Variants in PDE9A observed in about 807,000 individuals in gnomAD.
The protein encoded by PDE9A is high affinity cGMP-specific 3',5'-cyclic phosphodiesterase 9A.
Under a neutral mutation model 87.4 loss-of-function variants are expected in PDE9A, and 60 were observed. The observed-to-expected ratio is 0.69, with a 90% CI of 0.56 to 0.85. The LOEUF (loss-of-function observed/expected upper bound fraction) is 0.85. PDE9A is among the 40% of genes least tolerant of loss of function. PDE9A has a pLI of 0.00. For synonymous variants in PDE9A, 272 were observed against 279.4 expected (o/e 0.97, Z 0.27); for missense variants, 665 against 779.0 (o/e 0.85, Z 1.74).
intron 17 of PDE9A, among the ~76,000 whole-genome samples, chr21:42,770,070 C>T (rs1255637567): frequency 1.3e-5 from 2 of 152,128 alleles, no homozygotes; most frequent in Non-Finnish European, 2.9e-5. Flanking sequence ...AACCCCTGAG[C>T]TCTGTGCCCT....
chr21:42,765,717 T>G, intron 15 of PDE9A: 3 of 524,178 alleles, frequency 5.7e-6, no homozygotes, highest in Non-Finnish European at 6.9e-6. Flanking sequence ...CATTCTCCCA[T>G]TCCTCCATCT....
At chr21:42,693,803 G>T (rs141316627) in intron 3 of PDE9A, among the ~76,000 whole-genome samples, 1 of 150,696 alleles carries the variant, frequency 6.6e-6, no homozygotes, top group Non-Finnish European at 1.5e-5. Context: ...TGTTGGTCAG[G>T]CTGGTCTCAA....
In PDE9A at chr21:42,660,625, T is replaced by TAA. The variant is rs11292693; in HGVS notation, c.69+6756_69+6757dup. 4.2e-3 allele frequency among the ~76,000 whole-genome samples: 581 copies of TAA among 139,058 alleles called. 5 individuals carry two copies. The highest frequency in any genetic ancestry group is 0.014 in the African/African-American group (546 of 38,252). The allele number at this position is 139,058 out of a possible 152,430, so 91.2% of individuals were successfully genotyped here. ...CCCCTTCCCCAAACACTATTGGAAT[T>TAA]AAAAAAAAAAAAAAAGATTAAAATG... On this transcript the variant is annotated intron_variant, in intron 1 of 19. Coordinates refer to ENST00000291539, the MANE Select transcript of PDE9A (RefSeq NM_002606.3). This position sits in a 1 kb window ranked among gnomAD's most constrained non-coding sequence, Gnocchi z 4.7.
chr21:42,772,328 C>A, intron 18 of PDE9A, 111 bp from the exon 19 acceptor site: 1 of 694,098 alleles, frequency 1.4e-6, no homozygotes, highest in Non-Finnish European at 2.5e-6. Flanking sequence ...CTGGGGACCA[C>A]AGGCTTTCAC....
intron 3 of PDE9A, chr21:42,689,592 T>C (rs1360781401): frequency 1.0e-6 from 1 of 985,344 alleles, no homozygotes; most frequent in Admixed American, 6.1e-5. Context: ...TTTGTTTTCC[T>C]GAAGTCATTT....
At chr21:42,683,614 G>A (rs548111689) in intron 1 of PDE9A, among the ~76,000 whole-genome samples, 7 of 152,208 alleles carry the variant, frequency 4.6e-5, no homozygotes, top group African/African-American at 1.7e-4. Flanking sequence ...AGATGGAGAA[G>A]CCCCAGGCCC....
At chr21:42,765,336 G>T (rs958934888) in intron 14 of PDE9A, 45 bp from the exon 15 acceptor site, 2 of 1,138,270 alleles carry the variant, frequency 1.8e-6, no homozygotes, top group Non-Finnish European at 2.6e-6. Context: ...CTGAATAATT[G>T]TTCAGACTAT....
chr21:42,727,012 T>G (rs1433358079), intron 4 of PDE9A, among the ~76,000 whole-genome samples: 1 of 149,372 alleles, frequency 6.7e-6, no homozygotes, highest in African/African-American at 2.5e-5. Context: ...CTGTTGTTTT[T>G]CAAAATTGTT....
intron 14 of PDE9A, among the ~76,000 whole-genome samples, chr21:42,762,965 T>C (rs1261657533): frequency 6.6e-6 from 1 of 152,174 alleles, no homozygotes; most frequent in Non-Finnish European, 1.5e-5. Flanking sequence ...AGTGCTGGGA[T>C]TACAGGTGTG....
chr21:42,699,162 T>C (rs1393761334), intron 4 of PDE9A, 151 bp downstream of exon 4: 2 of 598,682 alleles, frequency 3.3e-6, no homozygotes, highest in East Asian at 5.8e-5. Flanking sequence ...ATATGTTAGT[T>C]AAGCATTTGA....
intron 8 of PDE9A, among the ~76,000 whole-genome samples, chr21:42,748,509 T>A (rs958256924): frequency 2.0e-5 from 3 of 152,372 alleles, no homozygotes; most frequent in Admixed American, 6.5e-5. Flanking sequence ...GAAGCCTCTT[T>A]TTCCAGAAAG....
At chr21:42,715,987 T>G (rs2049883094) in intron 4 of PDE9A, among the ~76,000 whole-genome samples, 1 of 151,892 alleles carries the variant, frequency 6.6e-6, no homozygotes, top group South Asian at 2.1e-4. Context: ...TGTCACATAG[T>G]TGGAGTCATA....
chr21:42,668,898 A>ACCCCCCCCCCCCCCCCCCCC (rs375148519), intron 1 of PDE9A, among the ~76,000 whole-genome samples: 1 of 104,776 alleles, frequency 9.5e-6, no homozygotes, highest in African/African-American at 4.6e-5. Flanking sequence ...TGCTCCCTCC[A>ACCCCCCCCCCCCCCCCCCCC]CCCCCCGCCA....
intron 1 of PDE9A, among the ~76,000 whole-genome samples, chr21:42,678,351 A>G (rs2058967684): frequency 6.6e-6 from 1 of 152,252 alleles, no homozygotes; most frequent in Non-Finnish European, 1.5e-5. Context: ...TGGCAAGGGT[A>G]AATGGGGCAG....
Position 42,653,768 on chromosome 21 carries a change from G to T in PDE9A, c.-47G>T, listed in dbSNP as rs746374670. Reference sequence around the variant, plus strand: ...TCCCCCGCCTCCCGCGGCGGCTGGCGTCGGGAAAGTACAGTAAAAAGTCCG... The same window carrying T: ...TCCCCCGCCTCCCGCGGCGGCTGGCTTCGGGAAAGTACAGTAAAAAGTCCG... On this transcript the variant is annotated 5_prime_UTR_variant, in exon 1 of 20. Coordinates refer to ENST00000291539, the MANE Select transcript of PDE9A (RefSeq NM_002606.3). 7.8e-7 allele frequency: 1 copy of T among 1,280,112 alleles called. No individual in the cohort carries two copies. Among genetic ancestry groups the T allele is most frequent in the Non-Finnish European group, 1.1e-6 (1 of 943,580 alleles). The allele number at this position is 1,280,112 out of a possible 1,614,324, so 79.3% of individuals were successfully genotyped here.
Position 42,662,145 on chromosome 21 carries a change from TTTTG to T in PDE9A, c.69+8270_69+8273del, listed in dbSNP as rs1338519575. 3.9e-5 allele frequency among the ~76,000 whole-genome samples: 6 copies of T among 152,206 alleles called. No individual in the cohort carries two copies. In the East Asian group the frequency reaches 5.8e-4, roughly 15 times the overall value. On this transcript the variant is annotated intron_variant, in intron 1 of 19. Coordinates refer to ENST00000291539, the MANE Select transcript of PDE9A (RefSeq NM_002606.3). ...GTAAATGCTATATAAGTGTTATCAT[TTTTG>T]TTTGTTTATTATTTATTTATCCATG...
At chr21:42,767,706 G>A (rs1377009664) in intron 15 of PDE9A, among the ~76,000 whole-genome samples, 2 of 152,188 alleles carry the variant, frequency 1.3e-5, no homozygotes, top group African/African-American at 2.4e-5. Context: ...ATTTGTGCCC[G>A]GTGCAGGCAG....
At chr21:42,727,589 C>T (rs149652728) in intron 4 of PDE9A, among the ~76,000 whole-genome samples, 264 of 150,664 alleles carry the variant, frequency 1.8e-3, no homozygotes, top group Middle Eastern at 0.01. Context: ...CAACCTCGAC[C>T]TCCCAAAGTG....
At chr21:42,668,895 T>TCCCCCCCC (rs1229611821) in intron 1 of PDE9A, among the ~76,000 whole-genome samples, 25 of 99,560 alleles carry the variant, frequency 2.5e-4, no homozygotes, top group African/African-American at 8.3e-4. Context: ...AGCTGCTCCC[T>TCCCCCCCC]CCACCCCCCG....
Sources: gnomAD v4.1 joint callset for allele counts (sites outside exome capture counted in the v4.1 genomes callset) on GRCh38, gnomAD v4.1.1 for gene constraint, Gnocchi (gnomAD v3.1) non-coding constraint, MANE v1.5 for transcripts, NCBI Gene and HGNC (gene_info 2026-07-23, HGNC 2026-07-21) for gene names.